Variants in BSDC1 observed in about 807,000 individuals in gnomAD.
The protein encoded by BSDC1 is BSD domain containing 1, also known as BSD domain-containing protein 1.
Under a neutral mutation model 56.0 loss-of-function variants are expected in BSDC1, and 29 were observed. The ratio of observed to expected loss-of-function variants is 0.52; its 90% CI spans 0.39 to 0.71. BSDC1 has a LOEUF of 0.71. BSDC1 is among the 30% of genes least tolerant of loss of function. The pLI is 0.00. For synonymous variants in BSDC1, 210 were observed against 215.3 expected, an observed-to-expected ratio of 0.98 and a Z score of 0.21; for missense variants, 477 against 548.5, an observed-to-expected ratio of 0.87 and a Z score of 1.30.
intron 2 of BSDC1, among the ~76,000 whole-genome samples, chr1:32,387,535 T>G (rs1195834646): frequency 6.6e-6 from 1 of 152,204 alleles, no homozygotes; most frequent in African/African-American, 2.4e-5. Context: ...GAGATGGGGT[T>G]TCTCCATGTT....
At chr1:32,391,000 T>C (rs1642847274) in intron 2 of BSDC1, among the ~76,000 whole-genome samples, 1 of 151,422 alleles carries the variant, frequency 6.6e-6, no homozygotes, top group Admixed American at 6.6e-5. Context: ...CAGGAAGAGT[T>C]TGGAAAGTGG....
At chr1:32,371,685 C>T (rs1008597287) in intron 9 of BSDC1, among the ~76,000 whole-genome samples, 7 of 151,880 alleles carry the variant, frequency 4.6e-5, no homozygotes, top group African/African-American at 1.5e-4. Context: ...TAAACATCTC[C>T]GTTTCTTCTT....
intron 10 of BSDC1, 126 bp from the exon 11 acceptor site, chr1:32,366,780 C>T: frequency 7.0e-7 from 1 of 1,427,030 alleles, no homozygotes. Flanking sequence ...ACTCTGAGGT[C>T]CCACTGAGAG....
intron 4 of BSDC1, among the ~76,000 whole-genome samples, chr1:32,382,083 C>T (rs915033979): frequency 5.3e-5 from 8 of 151,866 alleles, no homozygotes; most frequent in African/African-American, 1.5e-4. Context: ...AAAAATTAGC[C>T]GGGCATGGTG....
intron 5 of BSDC1, 43 bp downstream of exon 5, chr1:32,381,171 C>A: frequency 6.2e-7 from 1 of 1,607,596 alleles, no homozygotes; most frequent in East Asian, 2.2e-5. Context: ...CCCCCTTAGT[C>A]TACTTGCCCT....
chr1:32,380,947 G>C (rs910511847), intron 5 of BSDC1, among the ~76,000 whole-genome samples: 9 of 152,160 alleles, frequency 5.9e-5, no homozygotes, highest in East Asian at 1.9e-4. Context: ...GAAGGCAAGG[G>C]GGGCAGCAGG....
chr1:32,378,061 GAGC>G lies in BSDC1; in HGVS notation c.598-16_598-14del, dbSNP rs1557644988. 1.2e-6 allele frequency: 2 copies of G among 1,604,764 alleles called. No individual in the cohort carries two copies. The highest frequency in any genetic ancestry group is 4.5e-5 in the East Asian group (2 of 44,748). ...TCCGGGCCTGCTCCTGAATGTGGGG[GAGC>G]AGAAGGCCACAGGCAGTCAGGGCAC... On this transcript the variant is annotated splice_polypyrimidine_tract_variant and intron_variant, in intron 7 of 10. Coordinates refer to ENST00000455895, the MANE Select transcript of BSDC1 (RefSeq NM_018045.8). This position sits in a 1 kb window ranked among gnomAD's most constrained non-coding sequence, Gnocchi z 5.2.
At position 32,378,662 on chromosome 1, in the gene BSDC1, C is replaced by T. The variant is rs1039852357; in HGVS notation, c.528+62G>A. 4 of 1,156,844 alleles carry T rather than the reference C, an allele frequency of 3.5e-6. No homozygotes were observed. In the African/African-American group the frequency reaches 4.7e-5, roughly 14 times the overall value. 71.7% of individuals were successfully genotyped at this position (1,156,844 alleles called of 1,614,324 possible). A position where few individuals can be genotyped will look rare whatever the true frequency, so the allele number is the denominator to read the frequency against. On this transcript the variant is annotated intron_variant, in intron 6 of 10. Coordinates refer to ENST00000455895, the MANE Select transcript of BSDC1 (RefSeq NM_018045.8). This position sits in a 1 kb window ranked among gnomAD's most constrained non-coding sequence, Gnocchi z 5.2. ...ACTCTGCAGTGACTCTGAACATGTC[C>T]CTCCCACCTCCCAACACCTCAAGCC...
chr1:32,388,609 C>A lies in BSDC1; in HGVS notation c.73-1714G>T, dbSNP rs184878630. Among the ~76,000 whole-genome samples, 257 of 152,294 alleles carry A rather than the reference C, an allele frequency of 1.7e-3. 1 individual carries two copies. Among genetic ancestry groups the A allele is most frequent in the African/African-American group, 6.0e-3 (251 of 41,566 alleles). On this transcript the variant is annotated intron_variant, in intron 2 of 10. Coordinates refer to ENST00000455895, the MANE Select transcript of BSDC1 (RefSeq NM_018045.8). ...TTAAGTTTACACACTATCCTAAGAGCAAATTGAAAATCCACCTTTACTTAC... is the reference window on the plus strand; with the variant it reads ...TTAAGTTTACACACTATCCTAAGAGAAAATTGAAAATCCACCTTTACTTAC...
chr1:32,365,107 A>G lies in BSDC1; in HGVS notation c.*1515T>C, dbSNP rs1641795635. 1 of 152,236 alleles carries G rather than the reference A, an allele frequency of 6.6e-6. No individual in the cohort carries two copies. The highest frequency in any genetic ancestry group is 1.5e-5 in the Non-Finnish European group (1 of 68,044). The allele number at this position is 152,236 out of a possible 1,614,324, so 9.4% of individuals were successfully genotyped here. ...AAAAACAGACCCCCAGACACCTTTCAGCTTCGGGTGAATCACTTTAATGCT... is the reference window on the plus strand; with the variant it reads ...AAAAACAGACCCCCAGACACCTTTCGGCTTCGGGTGAATCACTTTAATGCT... On this transcript the variant is annotated 3_prime_UTR_variant, in exon 11 of 11. Coordinates refer to ENST00000455895, the MANE Select transcript of BSDC1 (RefSeq NM_018045.8).
At chr1:32,389,972 C>CAAA (rs386366640) in intron 2 of BSDC1, among the ~76,000 whole-genome samples, 3 of 73,124 alleles carry the variant, frequency 4.1e-5, no homozygotes, top group African/African-American at 1.3e-4. Flanking sequence ...GACCCTGTCT[C>CAAA]AAAAAAAAAA....
intron 2 of BSDC1, among the ~76,000 whole-genome samples, chr1:32,388,948 CT>C (rs576567759): frequency 6.6e-6 from 1 of 150,490 alleles, no homozygotes. Flanking sequence ...ATCTCTTCTT[CT>C]TTTTTTTCTT....
chr1:32,394,217 A>T (rs781666025), intron 1 of BSDC1, 77 bp from the exon 2 acceptor site: 1 of 1,570,900 alleles, frequency 6.4e-7, no homozygotes, highest in Non-Finnish European at 8.7e-7. Context: ...TTCCCCGCTC[A>T]GATGTACCCT....
At chr1:32,392,772 G>A (rs1642910313) in intron 2 of BSDC1, among the ~76,000 whole-genome samples, 1 of 152,082 alleles carries the variant, frequency 6.6e-6, no homozygotes, top group African/African-American at 2.4e-5. Flanking sequence ...GAATAAAAAC[G>A]CTCCCAGATG....
Position 32,366,461 on chromosome 1 carries a change from G to C in BSDC1, c.*161C>G. ...GAGAGCCCCTTCCCAGGTGTGAGCA[G>C]AGGCCCAAGAGGGCCAGCAGGGAGC... is the stretch of plus-strand genomic sequence containing the variant. On this transcript the variant is annotated 3_prime_UTR_variant, in exon 11 of 11. Transcript: ENST00000455895. 1 of 755,106 alleles carries C rather than the reference G, an allele frequency of 1.3e-6. No homozygotes were observed. Among genetic ancestry groups the C allele is most frequent in the South Asian group, 1.5e-5 (1 of 67,730 alleles). 46.8% of individuals were successfully genotyped at this position (755,106 alleles called of 1,614,324 possible). A position where few individuals can be genotyped will look rare whatever the true frequency, so the allele number is the denominator to read the frequency against.
chr1:32,382,238 A>C (rs929907036), intron 4 of BSDC1, among the ~76,000 whole-genome samples: 31 of 151,812 alleles, frequency 2.0e-4, no homozygotes, highest in African/African-American at 4.1e-4. Flanking sequence ...AAAAAAAAAA[A>C]AAAAACAGAA....
In BSDC1 at chr1:32,378,044, T is replaced by A. The variant is rs746614219; in HGVS notation, c.602A>T (p.Gln201Leu). The change falls in exon 8 of 11, where the codon CAG (glutamine) becomes CTG (leucine). Residue 201 changes from glutamine (Q) to leucine (L), a missense_variant. By Grantham distance (113) the Gln-to-Leu change is moderately radical. Transcript: ENST00000455895. This position sits in a 1 kb window ranked among gnomAD's most constrained non-coding sequence, Gnocchi z 5.2. ...CTGCTTCAGGGCGTCCCTCCGGGCCTGCTCCTGAATGTGGGGGAGCAGAAG... is the reference window on the plus strand; with the variant it reads ...CTGCTTCAGGGCGTCCCTCCGGGCCAGCTCCTGAATGTGGGGGAGCAGAAG... ...FYKVHQLEQE[Q>L]ARRDALKQRA... 10 of 1,608,288 alleles carry A rather than the reference T, an allele frequency of 6.2e-6. No individual in the cohort carries two copies. In the South Asian group the frequency reaches 1.0e-4, roughly 16 times the overall value.
At chr1:32,377,070 T>G (rs898859254) in intron 8 of BSDC1, among the ~76,000 whole-genome samples, 1 of 151,856 alleles carries the variant, frequency 6.6e-6, no homozygotes, top group Non-Finnish European at 1.5e-5. Flanking sequence ...CGGGAGGCGG[T>G]GGTTGCAGTG....
intron 2 of BSDC1, among the ~76,000 whole-genome samples, chr1:32,393,223 GA>G (rs1642925953): frequency 6.6e-6 from 1 of 152,228 alleles, no homozygotes; most frequent in Non-Finnish European, 1.5e-5. Context: ...AAATAAGCAT[GA>G]AATGAAACAG....
Sources: gnomAD v4.1 joint callset for allele counts (sites outside exome capture counted in the v4.1 genomes callset) on GRCh38, gnomAD v4.1.1 for gene constraint, Gnocchi (gnomAD v3.1) non-coding constraint, MANE v1.5 for transcripts, NCBI Gene and HGNC (gene_info 2026-07-23, HGNC 2026-07-21) for gene names.